Variants in DISC1 observed in about 807,000 individuals in gnomAD.
The protein encoded by DISC1 is disrupted in schizophrenia 1 protein.
DISC1 carries 57 observed loss-of-function variants against 84.5 expected under a neutral mutation model. The observed-to-expected ratio is 0.67, with a 90% CI of 0.55 to 0.84. The LOEUF is 0.84. Ranked by LOEUF, DISC1 falls within the 40% of genes least tolerant of loss-of-function variation. The pLI is 0.00. For synonymous variants in DISC1, 411 were observed against 415.2 expected (o/e 0.99, Z 0.12); for missense variants, 1,000 against 1,057.8 (o/e 0.95, Z 0.76).
intron 6 of DISC1, among the ~76,000 whole-genome samples, chr1:231,792,462 C>A (rs199670803): frequency 3.1e-4 from 47 of 152,290 alleles, no homozygotes; most frequent in South Asian, 8.3e-4. Flanking sequence ...ATTGTTAATG[C>A]ATGGGCTAGT....
At chr1:231,894,187 T>C (rs1200204000) in intron 9 of DISC1, among the ~76,000 whole-genome samples, 1 of 152,208 alleles carries the variant, frequency 6.6e-6, no homozygotes, top group Non-Finnish European at 1.5e-5. Context: ...ATCAGAGATT[T>C]CACTCCATGA....
At chr1:231,895,730 G>A (rs904238201) in intron 9 of DISC1, among the ~76,000 whole-genome samples, 1 of 151,912 alleles carries the variant, frequency 6.6e-6, no homozygotes, top group African/African-American at 2.4e-5. Flanking sequence ...TGGAATCAAG[G>A]CTGTACCAGT....
Position 231,884,642 on chromosome 1 carries a change from T to C in DISC1, c.1981+66125T>C, listed in dbSNP as rs140175419. Among the ~76,000 whole-genome samples, 343 of 152,160 alleles carry C rather than the reference T, an allele frequency of 2.3e-3. 2 individuals are homozygous for C. Among genetic ancestry groups the C allele is most frequent in the African/African-American group, 7.7e-3 (319 of 41,498 alleles). ...AATAGACGCTGGGGCCTACTTGAGA[T>C]TGGAGGGTGGGAGGAGGGTAAGGAT... On this transcript the variant is annotated intron_variant, in intron 9 of 12. Transcript: ENST00000439617.
chr1:231,678,821 A>T (rs1467314374), intron 1 of DISC1, among the ~76,000 whole-genome samples: 3 of 151,980 alleles, frequency 2.0e-5, no homozygotes, highest in African/African-American at 7.3e-5. Flanking sequence ...GCCCGCCACC[A>T]CGCCTGGCTA....
At chr1:232,003,491 A>G (rs568542197) in intron 10 of DISC1, among the ~76,000 whole-genome samples, 2 of 152,262 alleles carry the variant, frequency 1.3e-5, no homozygotes, top group East Asian at 3.9e-4. Context: ...CTATGGGAGG[A>G]AATAGAAGAA....
intron 4 of DISC1, among the ~76,000 whole-genome samples, chr1:231,753,208 C>G (rs903502772): frequency 2.0e-5 from 3 of 152,218 alleles, no homozygotes; most frequent in Non-Finnish European, 4.4e-5. Flanking sequence ...CCATATTACC[C>G]TAGTAGTGGT....
intron 10 of DISC1, among the ~76,000 whole-genome samples, chr1:231,984,703 C>G (rs1664149713): frequency 6.6e-6 from 1 of 152,000 alleles, no homozygotes; most frequent in Non-Finnish European, 1.5e-5. Flanking sequence ...ACATGAAGAG[C>G]TAAAGGAATA....
At chr1:231,937,468 A>G (rs766474130) in intron 9 of DISC1, among the ~76,000 whole-genome samples, 13 of 152,258 alleles carry the variant, frequency 8.5e-5, no homozygotes, top group Non-Finnish European at 1.6e-4. Context: ...TCCTCTGCAC[A>G]CAGAGCTTTC....
At chr1:231,921,492 C>A (rs2090006760) in intron 9 of DISC1, among the ~76,000 whole-genome samples, 1 of 152,072 alleles carries the variant, frequency 6.6e-6, no homozygotes, top group Non-Finnish European at 1.5e-5. Flanking sequence ...ACTTACAGAG[C>A]AAATCATATT....
chr1:231,741,794 A>G (rs138039682), intron 3 of DISC1, among the ~76,000 whole-genome samples: 126 of 152,298 alleles, frequency 8.3e-4, no homozygotes, highest in Middle Eastern at 3.4e-3. Context: ...TCTCACAGCA[A>G]CTTTGCTTTT....
intron 12 of DISC1, among the ~76,000 whole-genome samples, chr1:232,028,688 T>A (rs552847690): frequency 2.0e-5 from 3 of 152,260 alleles, no homozygotes; most frequent in East Asian, 3.9e-4. Context: ...AAGTGCATGA[T>A]TTTAGGTAGA....
intron 10 of DISC1, among the ~76,000 whole-genome samples, chr1:231,986,147 C>G (rs1391582629): frequency 6.6e-6 from 1 of 152,214 alleles, no homozygotes; most frequent in Non-Finnish European, 1.5e-5. Flanking sequence ...GCCTCGTACC[C>G]TGCCACGCAC....
At position 231,759,576 on chromosome 1, in the gene DISC1, C is replaced by T. The variant is rs188375853; in HGVS notation, c.1269-7564C>T. ...ACAAAACTAGCCAAATGCGGTGGTGCGTACCTGTAGTCCTATCTACTTGGA... is the reference window on the plus strand; with the variant it reads ...ACAAAACTAGCCAAATGCGGTGGTGTGTACCTGTAGTCCTATCTACTTGGA... On this transcript the variant is annotated intron_variant, in intron 4 of 12. Transcript: ENST00000439617. Among the ~76,000 whole-genome samples the T allele has an allele frequency of 5.2e-3, 752 of 143,418 alleles. 2 individuals are homozygous for T. Among genetic ancestry groups the T allele is most frequent in the South Asian group, 0.014 (63 of 4,366 alleles). 94.1% of individuals were successfully genotyped at this position (143,418 alleles called of 152,430 possible).
At chr1:231,652,146 G>A (rs1452947353) in intron 1 of DISC1, among the ~76,000 whole-genome samples, 2 of 152,184 alleles carry the variant, frequency 1.3e-5, no homozygotes, top group African/African-American at 2.4e-5. Flanking sequence ...AGTTGGAAAT[G>A]CAGAAATCAC....
intron 1 of DISC1, among the ~76,000 whole-genome samples, chr1:231,664,562 CAA>C (rs2125401529): frequency 6.6e-6 from 1 of 152,196 alleles, no homozygotes; most frequent in South Asian, 2.1e-4. Flanking sequence ...AGGCAGGAGT[CAA>C]AGTCAGAGAG....
intron 12 of DISC1, among the ~76,000 whole-genome samples, chr1:232,029,391 C>T (rs1465079809): frequency 6.6e-6 from 1 of 152,174 alleles, no homozygotes; most frequent in African/African-American, 2.4e-5. Flanking sequence ...CAAGGCTCTA[C>T]GGAGGCTCCC....
At chr1:231,750,339 C>T in intron 4 of DISC1, 1 of 1,268,406 alleles carries the variant, frequency 7.9e-7, no homozygotes, top group Non-Finnish European at 9.9e-7. Flanking sequence ...AGGTCTGAAG[C>T]ATCTCTTGGG....
chr1:231,851,298 C>T (rs2083879206), intron 9 of DISC1, among the ~76,000 whole-genome samples: 1 of 152,172 alleles, frequency 6.6e-6, no homozygotes, highest in African/African-American at 2.4e-5. Context: ...CGGCACTGTT[C>T]TGAGTGGGTA....
intron 1 of DISC1, among the ~76,000 whole-genome samples, chr1:231,692,443 TC>T (rs2065157623): frequency 6.6e-6 from 1 of 152,166 alleles, no homozygotes; most frequent in Non-Finnish European, 1.5e-5. Context: ...TGTGCTCATT[TC>T]CCCAGAGATT....
Sources: gnomAD v4.1 joint callset for allele counts (sites outside exome capture counted in the v4.1 genomes callset) on GRCh38, gnomAD v4.1.1 for gene constraint, MANE v1.5 for transcripts, NCBI Gene and HGNC (gene_info 2026-07-23, HGNC 2026-07-21) for gene names.